The following CCDC181 variants were observed in gnomAD, a reference collection of about 807,000 sequenced individuals.
The protein encoded by CCDC181 is coiled-coil domain containing 181.
In CCDC181, 35 loss-of-function variants were observed where a neutral mutation model predicts 58.7. The observed-to-expected ratio is 0.60, with a 90% CI of 0.46 to 0.79. CCDC181 has a LOEUF of 0.79. Among genes scored for constraint, CCDC181 ranks in the 30% least tolerant of loss-of-function variants. The pLI is 0.00. For missense variants in CCDC181, 517 were observed against 583.9 expected, an observed-to-expected ratio of 0.89 and a Z score of 1.18; for synonymous variants, 183 against 197.5, an observed-to-expected ratio of 0.93 and a Z score of 0.62.
intron 2 of CCDC181, among the ~76,000 whole-genome samples, chr1:169,440,011 G>A (rs534122352): frequency 3.3e-5 from 5 of 152,132 alleles, no homozygotes; most frequent in South Asian, 4.2e-4. Flanking sequence ...ACAGGATAGG[G>A]GCATGGTGAG....
upstream of CCDC181, among the ~76,000 whole-genome samples, chr1:169,427,959 G>T (rs1355804068): frequency 6.6e-6 from 1 of 152,138 alleles, no homozygotes. Flanking sequence ...TAAAGGCAAA[G>T]CAAGATGAAT....
At chr1:169,437,595 A>C (rs1657091472) in intron 2 of CCDC181, among the ~76,000 whole-genome samples, 1 of 152,124 alleles carries the variant, frequency 6.6e-6, no homozygotes, top group Non-Finnish European at 1.5e-5. Context: ...ATAACATGTT[A>C]ATCTTAATGT....
chr1:169,422,003 G>T lies in CCDC181; in HGVS notation c.428C>A (p.Pro143Gln), dbSNP rs201319056. Residue 143 changes from proline (P) to glutamine (Q), a missense_variant, in exon 3 of 6, where the codon CCG (proline) becomes CAG (glutamine). Pro to Gln is a moderately conservative substitution (Grantham distance 76). Coordinates refer to ENST00000367806, the MANE Select transcript of CCDC181 (RefSeq NM_001300969.2). ...TTTTCGCTCCCTTTTATCATTCACC[G>T]GTTCTTGATTCTGTAGAAGCTTGTT... The part of the protein sequence containing the change: ...QANKLLQNQE[P>Q]VNDKRERKLK... 4 of 1,613,972 alleles carry T rather than the reference G, an allele frequency of 2.5e-6. No individual in the cohort carries two copies. The South Asian group carries it at 4.4e-5, about 18-fold the overall frequency.
intron 2 of CCDC181, among the ~76,000 whole-genome samples, chr1:169,436,018 G>A (rs1158427857): frequency 6.6e-6 from 1 of 152,128 alleles, no homozygotes; most frequent in Non-Finnish European, 1.5e-5. Flanking sequence ...AAAAACAAGT[G>A]TAAAAGATGT....
At chr1:169,395,284 A>T in intron 5 of CCDC181, 78 bp from the exon 6 acceptor site, 1 of 1,257,310 alleles carries the variant, frequency 8.0e-7, no homozygotes, top group Non-Finnish European at 1.1e-6. Flanking sequence ...ACTATTATAG[A>T]CAAAATAAAT....
chr1:169,432,664 G>A (rs1482540943), intron 2 of CCDC181, among the ~76,000 whole-genome samples: 2 of 152,056 alleles, frequency 1.3e-5, no homozygotes, highest in Admixed American at 1.3e-4. Flanking sequence ...ATGGCCAAAA[G>A]TGATTTATTC....
At chr1:169,400,303 C>T (rs1026969492) in intron 4 of CCDC181, among the ~76,000 whole-genome samples, 3 of 152,122 alleles carry the variant, frequency 2.0e-5, no homozygotes, top group African/African-American at 7.2e-5. Flanking sequence ...AAGCATAAAA[C>T]AAAGTCTGAC....
chr1:169,398,723 C>G (rs1054139770), intron 4 of CCDC181, among the ~76,000 whole-genome samples: 1 of 152,164 alleles, frequency 6.6e-6, no homozygotes. Context: ...CTCTAATGGA[C>G]AGTGCAAATA....
chr1:169,401,331 A>G (rs1655336008), intron 4 of CCDC181, among the ~76,000 whole-genome samples: 1 of 152,234 alleles, frequency 6.6e-6, no homozygotes, highest in Non-Finnish European at 1.5e-5. Context: ...TTGAGATCTG[A>G]GAAAGGACAG....
At chr1:169,397,129 A>G (rs1655088449) in intron 5 of CCDC181, 108 bp downstream of exon 5, 3 of 987,064 alleles carry the variant, frequency 3.0e-6, no homozygotes, top group Admixed American at 6.8e-5. Context: ...TACGTGCTGT[A>G]AGAGAAAACA....
At chr1:169,397,553 G>C (rs1055046544) in intron 4 of CCDC181, among the ~76,000 whole-genome samples, 162 bp from the exon 5 acceptor site, 1 of 152,048 alleles carries the variant, frequency 6.6e-6, no homozygotes, top group South Asian at 2.1e-4. Flanking sequence ...AATACATCAC[G>C]CTTAAGTTTT....
rs1348887681 is a variant in CCDC181, at chr1:169,422,176, A to G, written c.255T>C (p.Ser85=). 9 of 1,613,782 alleles carry G rather than the reference A, an allele frequency of 5.6e-6. No homozygotes were observed. The highest frequency in any genetic ancestry group is 1.1e-5 in the South Asian group (1 of 91,068). The change falls in exon 3 of 6, where the codon TCT becomes TCC. Residue 85 remains serine, a synonymous_variant. Transcript: ENST00000367806. ...GATCCAAAGGTTGAATACCTGGTACAGAAATGATGTCATTTCTTCTTGGTG... is the reference window on the plus strand; with the variant it reads ...GATCCAAAGGTTGAATACCTGGTACGGAAATGATGTCATTTCTTCTTGGTG... ...EVSPRRNDII[S]VPGIQPLDPI...
chr1:169,427,725 T>C (rs115738974), upstream of CCDC181, among the ~76,000 whole-genome samples: 137 of 152,372 alleles, frequency 9.0e-4, 1 homozygote, highest in African/African-American at 3.2e-3. Flanking sequence ...CTATATGTTA[T>C]GTGCTTCACA....
chr1:169,408,478 A>T (rs962068148), intron 4 of CCDC181, among the ~76,000 whole-genome samples: 3 of 152,214 alleles, frequency 2.0e-5, no homozygotes, highest in African/African-American at 7.2e-5. Context: ...GCTTCAGCAG[A>T]CTTCAATGTC....
upstream of CCDC181, among the ~76,000 whole-genome samples, chr1:169,430,668 GAAA>G (rs35082762): frequency 6.7e-6 from 1 of 148,250 alleles, no homozygotes; most frequent in African/African-American, 2.5e-5. Flanking sequence ...CAAAGAATTG[GAAA>G]AAAAAAAACA....
chr1:169,444,722 T>A (rs1657326692), intron 2 of CCDC181, among the ~76,000 whole-genome samples: 1 of 152,176 alleles, frequency 6.6e-6, no homozygotes, highest in Non-Finnish European at 1.5e-5. Context: ...GGTGGCTACA[T>A]ATTTTTCTTC....
At chr1:169,430,794 T>C (rs1383839492), upstream of CCDC181, among the ~76,000 whole-genome samples, 1 of 152,154 alleles carries the variant, frequency 6.6e-6, no homozygotes, top group African/African-American at 2.4e-5. Context: ...GGGCTCCAGA[T>C]ACAGAATCTT....
At chr1:169,436,465 G>A (rs768614365) in intron 2 of CCDC181, among the ~76,000 whole-genome samples, 1 of 152,142 alleles carries the variant, frequency 6.6e-6, no homozygotes, top group Non-Finnish European at 1.5e-5. Context: ...GAGTGCTGTG[G>A]CACAGTCATG....
chr1:169,430,608 G>T (rs1403017655), upstream of CCDC181, among the ~76,000 whole-genome samples: 1 of 151,940 alleles, frequency 6.6e-6, no homozygotes, highest in Admixed American at 6.6e-5. Context: ...TTGGTATACA[G>T]CAGTGCTACT....
Sources: gnomAD v4.1 joint callset for allele counts (sites outside exome capture counted in the v4.1 genomes callset) on GRCh38, gnomAD v4.1.1 for gene constraint, MANE v1.5 for transcripts, NCBI Gene and HGNC (gene_info 2026-07-23, HGNC 2026-07-21) for gene names.